The following MRPL22 variants were observed in gnomAD, a reference collection of about 807,000 sequenced individuals.
MRPL22 encodes mitochondrial ribosomal protein L22.
A neutral mutation model predicts 32.4 loss-of-function variants in MRPL22; 27 were observed. That is an observed-to-expected ratio of 0.83 (90% CI 0.61 to 1.15). The LOEUF (loss-of-function observed/expected upper bound fraction) is 1.15, where lower values mean the gene tolerates loss of function less well. Ranked by LOEUF, MRPL22 falls within the 50% of genes most tolerant of loss-of-function variation. MRPL22 has a pLI of 0.00. For missense variants in MRPL22, 239 were observed against 260.2 expected (o/e 0.92, Z 0.56); for synonymous variants, 86 against 87.3 (o/e 0.99, Z 0.08).
At position 154,944,666 on chromosome 5, in the gene MRPL22, A is replaced by G. The variant is rs188989350; in HGVS notation, c.77+3401A>G. Among the ~76,000 whole-genome samples the G allele has an allele frequency of 5.1e-4, 77 of 152,342 alleles. 3 individuals are homozygous for G. In the East Asian group the frequency reaches 0.014, roughly 28 times the overall value. ...GGGGCAAATAAGCAAAATAAGTAAA[A>G]TATAGAGTATATTAGATAGTGACAT... On this transcript the variant is annotated intron_variant, in intron 2 of 6. Transcript: ENST00000523037.
At chr5:154,949,509 G>C (rs960944176) in intron 2 of MRPL22, among the ~76,000 whole-genome samples, 10 of 152,306 alleles carry the variant, frequency 6.6e-5, no homozygotes, top group Middle Eastern at 6.8e-3. Flanking sequence ...TCAATCTAGA[G>C]GCTATTGCTA....
At chr5:154,957,343 T>C (rs1490508050) in intron 5 of MRPL22, 131 bp downstream of exon 5, 1 of 679,336 alleles carries the variant, frequency 1.5e-6, no homozygotes, top group African/African-American at 1.8e-5. Context: ...CTTTATATAA[T>C]ACAGATTTAG....
Position 154,956,410 on chromosome 5 carries a change from G to T in MRPL22, c.235G>T (p.Asp79Tyr). 6.2e-7 allele frequency: 1 copy of T among 1,610,398 alleles called. No homozygotes were observed. The change falls in exon 4 of 7, where the codon GAC (aspartate) becomes TAC (tyrosine). Residue 79 changes from aspartate to tyrosine, a missense_variant. Physicochemically the swap from Asp to Tyr is radical, Grantham distance 160 (BLOSUM62 -3). Transcript: ENST00000523037. ...TCGAAGACAAATAAAATATAGCAAAGACAAGATGTGGTATTTGGCAAAATT... is the reference window on the plus strand; with the variant it reads ...TCGAAGACAAATAAAATATAGCAAATACAAGATGTGGTATTTGGCAAAATT... ...HCRRQIKYSKDKMWYLAKLIR... is the reference protein window; with the variant it reads ...HCRRQIKYSKYKMWYLAKLIR...
At chr5:154,950,006 A>T (rs1188317638) in intron 2 of MRPL22, among the ~76,000 whole-genome samples, 3 of 152,182 alleles carry the variant, frequency 2.0e-5, no homozygotes, top group Non-Finnish European at 4.4e-5. Flanking sequence ...TGCTATAAAG[A>T]TACTACCTGA....
At position 154,956,362 on chromosome 5, in the gene MRPL22, A is replaced by G. The variant is rs1764630308; in HGVS notation, c.196-9A>G. On this transcript the variant is annotated splice_polypyrimidine_tract_variant and intron_variant, in intron 3 of 6. Coordinates refer to ENST00000523037, the MANE Select transcript of MRPL22 (RefSeq NM_014180.4). ...TTTTCTTTCTGTCCTTTTTTTTCCA[A>G]TTTGTAAGGAAATCTACCACTGTCG... 2 of 1,594,602 alleles carry G rather than the reference A, an allele frequency of 1.3e-6. No homozygotes were observed. Among genetic ancestry groups the G allele is most frequent in the African/African-American group, 1.3e-5 (1 of 74,084 alleles).
rs79545893 is a variant in MRPL22 at position 154,963,376 on chromosome 5, C to T, written c.410-3310C>T. Among the ~76,000 whole-genome samples the T allele has an allele frequency of 1.8e-3, 276 of 152,300 alleles. 4 individuals are homozygous for T. In the East Asian group the frequency reaches 0.024, roughly 13 times the overall value. On this transcript the variant is annotated intron_variant, in intron 6 of 6. Coordinates refer to ENST00000523037, the MANE Select transcript of MRPL22 (RefSeq NM_014180.4). Reference sequence around the variant, plus strand: ...TATTTGAGTACTTTCTGTGTGCATACTATCCACATTAAATAGGTGATGTTA... The same window carrying T: ...TATTTGAGTACTTTCTGTGTGCATATTATCCACATTAAATAGGTGATGTTA...
chr5:154,948,123 A>G (rs1442227546), intron 2 of MRPL22, among the ~76,000 whole-genome samples: 2 of 152,216 alleles, frequency 1.3e-5, no homozygotes, highest in African/African-American at 4.8e-5. Flanking sequence ...GACATATACA[A>G]AAGTAGACAG....
rs1554105228 is a variant in MRPL22, at chr5:154,966,918, A to G, written c.*21A>G. On this transcript the variant is annotated 3_prime_UTR_variant, in exon 7 of 7. Transcript: ENST00000523037. ...TATGATGAGGAGATTCAGACTCCAC[A>G]GTGTATATATTTTGCCATTTATTTT... 2 of 1,586,512 alleles carry G rather than the reference A, an allele frequency of 1.3e-6. No individual in the cohort carries two copies. The highest frequency in any genetic ancestry group is 2.3e-5 in the South Asian group (2 of 88,326).
At position 154,941,327 on chromosome 5, in the gene MRPL22, G is replaced by A. The variant is rs150095239; in HGVS notation, c.77+62G>A. The A allele has an allele frequency of 9.1e-4, 1,465 of 1,601,908 alleles. 1 individual carries two copies. Among genetic ancestry groups the A allele is most frequent in the Non-Finnish European group, 1.2e-3 (1,368 of 1,172,572 alleles). On this transcript the variant is annotated intron_variant, in intron 2 of 6. Coordinates refer to ENST00000523037, the MANE Select transcript of MRPL22 (RefSeq NM_014180.4). ...GGCATCTTTAGTATTCTGCCAGTTG[G>A]TAACTGAGCGCCTCCGTGCCTAACT...
intron 3 of MRPL22, among the ~76,000 whole-genome samples, chr5:154,953,013 T>C (rs556961596): frequency 6.6e-6 from 1 of 152,186 alleles, no homozygotes; most frequent in Non-Finnish European, 1.5e-5. Flanking sequence ...AGCACCAATT[T>C]CCAAAGAATA....
intron 6 of MRPL22, among the ~76,000 whole-genome samples, chr5:154,961,036 A>G (rs1445356717): frequency 6.6e-6 from 1 of 152,194 alleles, no homozygotes; most frequent in Non-Finnish European, 1.5e-5. Context: ...TTTTTCAACA[A>G]TTAGAGTAAA....
intron 6 of MRPL22, among the ~76,000 whole-genome samples, chr5:154,962,777 T>G (rs551838748): frequency 2.4e-4 from 37 of 152,274 alleles, no homozygotes; most frequent in Non-Finnish European, 4.7e-4. Context: ...GCATCTAAAG[T>G]GAATCACTTT....
chr5:154,954,940 G>T (rs370131749), intron 3 of MRPL22, among the ~76,000 whole-genome samples: 1 of 151,780 alleles, frequency 6.6e-6, no homozygotes, highest in Non-Finnish European at 1.5e-5. Flanking sequence ...CACAGGCGCC[G>T]GCCACCATGC....
At chr5:154,957,247 G>T in intron 5 of MRPL22, 35 bp downstream of exon 5, 2 of 1,521,284 alleles carry the variant, frequency 1.3e-6, no homozygotes, top group Non-Finnish European at 1.8e-6. Flanking sequence ...TAGGGAATGG[G>T]GAACTGGGGA....
chr5:154,943,803 T>C (rs957879850), intron 2 of MRPL22, among the ~76,000 whole-genome samples: 2 of 151,910 alleles, frequency 1.3e-5, no homozygotes, highest in African/African-American at 4.8e-5. Flanking sequence ...GCAGCTGGGA[T>C]CACAGGCGTG....
chr5:154,946,322 C>A (rs930610646), intron 2 of MRPL22, among the ~76,000 whole-genome samples: 1 of 151,964 alleles, frequency 6.6e-6, no homozygotes, highest in African/African-American at 2.4e-5. Flanking sequence ...AAACCAAGGT[C>A]CAAAGAGGTG....
At chr5:154,950,031 T>TA (rs1764538397) in intron 2 of MRPL22, among the ~76,000 whole-genome samples, 1 of 152,182 alleles carries the variant, frequency 6.6e-6, no homozygotes, top group Admixed American at 6.5e-5. Context: ...GGGTAACTCA[T>TA]AAACCAACAA....
chr5:154,958,968 G>C (rs1756782272), intron 5 of MRPL22: 1 of 152,126 alleles, frequency 6.6e-6, no homozygotes, highest in African/African-American at 2.4e-5. Context: ...TTCTCTACTT[G>C]TCTGATGTTA....
Position 154,942,738 on chromosome 5 carries a change from A to C in MRPL22, c.77+1473A>C, listed in dbSNP as rs76100572. Reference sequence around the variant, plus strand: ...CATGTGTGCCTTCTATGATGACTTCATGTATATGTGTATGTGCCCTTTACT... The same window carrying C: ...CATGTGTGCCTTCTATGATGACTTCCTGTATATGTGTATGTGCCCTTTACT... On this transcript the variant is annotated intron_variant, in intron 2 of 6. Coordinates refer to ENST00000523037, the MANE Select transcript of MRPL22 (RefSeq NM_014180.4). Among the ~76,000 whole-genome samples, 6 of 152,312 alleles carry C rather than the reference A, an allele frequency of 3.9e-5. No individual in the cohort carries two copies. The East Asian group carries it at 1.2e-3, about 29-fold the overall frequency.
Sources: allele counts gnomAD v4.1 joint callset (sites outside exome capture counted in the v4.1 genomes callset), GRCh38; gene constraint gnomAD v4.1.1; transcripts MANE v1.5; gene names NCBI Gene and HGNC (gene_info 2026-07-23, HGNC 2026-07-21).